NCOA3: variants seen among roughly 807,000 people sequenced by gnomAD.
The protein encoded by NCOA3 is nuclear receptor coactivator 3.
Under a neutral mutation model 158.8 loss-of-function variants are expected in NCOA3, and 51 were observed. The observed-to-expected ratio is 0.32, with a 90% CI of 0.26 to 0.41. NCOA3 has a LOEUF of 0.41. Among genes scored for constraint, NCOA3 ranks in the 10% least tolerant of loss-of-function variants. NCOA3 has a pLI of 1.00. For missense variants in NCOA3, 1,510 were observed against 1,746.6 expected, an observed-to-expected ratio of 0.86 and a Z score of 2.41; for synonymous variants, 537 against 592.4, an observed-to-expected ratio of 0.91 and a Z score of 1.36.
chr20:47,583,801 C>T (rs913205482), intron 2 of NCOA3, among the ~76,000 whole-genome samples: 1 of 152,004 alleles, frequency 6.6e-6, no homozygotes, highest in Non-Finnish European at 1.5e-5. Context: ...ACAGAGAATG[C>T]AAAAACTAGC....
intron 1 of NCOA3, among the ~76,000 whole-genome samples, chr20:47,570,350 A>G (rs1335931599): frequency 6.6e-6 from 1 of 152,210 alleles, no homozygotes; most frequent in Non-Finnish European, 1.5e-5. Flanking sequence ...CTGAGGCAGG[A>G]GGATTGCTTG....
At chr20:47,564,673 G>T (rs1196831089) in intron 1 of NCOA3, among the ~76,000 whole-genome samples, 1 of 151,872 alleles carries the variant, frequency 6.6e-6, no homozygotes, top group Admixed American at 6.6e-5. Context: ...TCTAGCCATG[G>T]ACTTGTTGAG....
intron 1 of NCOA3, among the ~76,000 whole-genome samples, chr20:47,536,212 C>T (rs1484412700): frequency 6.6e-6 from 1 of 152,198 alleles, no homozygotes; most frequent in Non-Finnish European, 1.5e-5. Context: ...CTCATCTCTA[C>T]CCAGCACTTA....
intron 1 of NCOA3, among the ~76,000 whole-genome samples, chr20:47,539,536 A>G (rs182912291): frequency 6.6e-6 from 1 of 152,278 alleles, no homozygotes; most frequent in African/African-American, 2.4e-5. Context: ...CTGAATGGCA[A>G]AGTGCTAAGC....
At chr20:47,502,312 CG>C in intron 1 of NCOA3, among the ~76,000 whole-genome samples, 1 of 152,086 alleles carries the variant, frequency 6.6e-6, no homozygotes, top group East Asian at 1.9e-4. Context: ...GAGGAGTTTG[CG>C]GGGGGACTGC....
At chr20:47,553,556 C>A (rs1188464075) in intron 1 of NCOA3, among the ~76,000 whole-genome samples, 3 of 142,468 alleles carry the variant, frequency 2.1e-5, no homozygotes, top group African/African-American at 7.9e-5. Context: ...CCCCTCCCCC[C>A]ACCCACAACA....
At chr20:47,571,886 C>T (rs1267246513) in intron 1 of NCOA3, among the ~76,000 whole-genome samples, 2 of 151,874 alleles carry the variant, frequency 1.3e-5, no homozygotes, top group African/African-American at 4.8e-5. Flanking sequence ...TGCCACCATG[C>T]TCGACTAATT....
chr20:47,572,405 T>C (rs2085307865), intron 1 of NCOA3, among the ~76,000 whole-genome samples: 1 of 151,882 alleles, frequency 6.6e-6, no homozygotes, highest in South Asian at 2.1e-4. Flanking sequence ...ACCCAGTATC[T>C]AGTAAAAGAA....
chr20:47,602,707 T>G lies in NCOA3; in HGVS notation c.-20+19446T>G, dbSNP rs186131151. Among the ~76,000 whole-genome samples, 14 of 152,338 alleles carry G rather than the reference T, an allele frequency of 9.2e-5. No homozygotes were observed. The East Asian group carries it at 2.7e-3, about 29-fold the overall frequency. ...GATTCCTAGGCGCTGAGAAGAAAGT[T>G]GAAATTTATTTTTGTGTATGAGAAT... On this transcript the variant is annotated intron_variant, in intron 2 of 22. Coordinates refer to ENST00000371998, the MANE Select transcript of NCOA3 (RefSeq NM_181659.3).
chr20:47,644,000 T>G (rs977491341), intron 17 of NCOA3, among the ~76,000 whole-genome samples: 9 of 152,064 alleles, frequency 5.9e-5, no homozygotes, highest in African/African-American at 1.9e-4. Flanking sequence ...TTCATTCTGC[T>G]GTGTACTAGA....
At chr20:47,593,321 C>T in intron 2 of NCOA3, among the ~76,000 whole-genome samples, 1 of 135,964 alleles carries the variant, frequency 7.4e-6, no homozygotes, top group South Asian at 2.4e-4. Flanking sequence ...AGTACCTCCT[C>T]TTGAGTTGAT....
intron 2 of NCOA3, among the ~76,000 whole-genome samples, chr20:47,611,349 T>A (rs1602483320): frequency 6.6e-6 from 1 of 152,352 alleles, no homozygotes; most frequent in South Asian, 2.1e-4. Context: ...TTTATTTATC[T>A]CTTTCTTCCT....
chr20:47,570,463 C>T (rs1386479738), intron 1 of NCOA3, among the ~76,000 whole-genome samples: 2 of 152,122 alleles, frequency 1.3e-5, no homozygotes, highest in Non-Finnish European at 2.9e-5. Flanking sequence ...AGCAACTCCT[C>T]AAACTCCTCA....
At chr20:47,547,047 C>A (rs185507297) in intron 1 of NCOA3, among the ~76,000 whole-genome samples, 1 of 152,140 alleles carries the variant, frequency 6.6e-6, no homozygotes. Flanking sequence ...TATTTAATAC[C>A]GGAACCTCTG....
chr20:47,616,640 A>C (rs2086144353), intron 2 of NCOA3, among the ~76,000 whole-genome samples: 1 of 152,208 alleles, frequency 6.6e-6, no homozygotes, highest in African/African-American at 2.4e-5. Flanking sequence ...TTTATATTGA[A>C]AGATTGACTT....
chr20:47,511,158 G>A (rs976110969), intron 1 of NCOA3, among the ~76,000 whole-genome samples: 20 of 151,996 alleles, frequency 1.3e-4, no homozygotes, highest in African/African-American at 4.8e-4. Context: ...AGATTGTAGA[G>A]AAGTTCAGAG....
chr20:47,578,247 G>A (rs571232765), intron 1 of NCOA3, among the ~76,000 whole-genome samples: 21 of 152,184 alleles, frequency 1.4e-4, no homozygotes, highest in East Asian at 3.9e-4. Context: ...GTGCAGTGGC[G>A]CGATCTCAGC....
chr20:47,570,939 T>TACACACACACACACACACACAC, intron 1 of NCOA3, among the ~76,000 whole-genome samples: 1 of 114,872 alleles, frequency 8.7e-6, no homozygotes, highest in African/African-American at 3.5e-5. Context: ...GTAATATATA[T>TACACACACACACACACACACAC]ACACACACAC....
intron 1 of NCOA3, among the ~76,000 whole-genome samples, chr20:47,521,254 C>T (rs916437869): frequency 1.3e-4 from 20 of 152,284 alleles, no homozygotes; most frequent in Middle Eastern, 3.4e-3. Flanking sequence ...AACCAGAGAC[C>T]GCCCCCGGAG....
Sources: gnomAD v4.1 joint callset for allele counts (sites outside exome capture counted in the v4.1 genomes callset) on GRCh38, gnomAD v4.1.1 for gene constraint, MANE v1.5 for transcripts, NCBI Gene and HGNC (gene_info 2026-07-23, HGNC 2026-07-21) for gene names.